Variants in TSNAX observed in about 807,000 individuals in gnomAD.
TSNAX encodes translin associated factor X, also known as translin-associated protein X.
Under a neutral mutation model 33.0 loss-of-function variants are expected in TSNAX, and 12 were observed. The ratio of observed to expected loss-of-function variants is 0.36; its 90% CI spans 0.23 to 0.59. TSNAX has a LOEUF of 0.59. Ranked by LOEUF, TSNAX falls within the 20% of genes least tolerant of loss-of-function variation. The probability of loss-of-function intolerance (pLI) is 0.74; values close to 1 mark genes in which losing one functional copy is unlikely to be tolerated. For synonymous variants in TSNAX, 110 were observed against 117.2 expected (o/e 0.94, Z 0.40); for missense variants, 267 against 341.3 (o/e 0.78, Z 1.72).
chr1:231,547,318 C>G (rs887716701), intron 4 of TSNAX, among the ~76,000 whole-genome samples: 1 of 151,622 alleles, frequency 6.6e-6, no homozygotes, highest in African/African-American at 2.4e-5. Context: ...GACTATTATC[C>G]ATCTCTGATA....
intron 4 of TSNAX, among the ~76,000 whole-genome samples, chr1:231,548,832 A>G (rs749233016): frequency 3.3e-5 from 5 of 152,246 alleles, no homozygotes; most frequent in African/African-American, 4.8e-5. Context: ...AGTTAATTTT[A>G]AAGACATGGA....
In TSNAX at chr1:231,562,030, C is replaced by G. The variant is rs866111529; in HGVS notation, c.495+775C>G. ...TTGCAGTTTGACTTTTAAACAAATACTATTTTTTTCCTTCTGGGTTTCAAG... is the reference window on the plus strand; with the variant it reads ...TTGCAGTTTGACTTTTAAACAAATAGTATTTTTTTCCTTCTGGGTTTCAAG... On this transcript the variant is annotated intron_variant, in intron 5 of 5. Transcript: ENST00000366639. 1.1e-4 allele frequency among the ~76,000 whole-genome samples: 16 copies of G among 151,980 alleles called. No individual in the cohort carries two copies. The Middle Eastern group carries it at 0.01, about 97-fold the overall frequency.
rs138421350 is a variant in TSNAX, at chr1:231,529,292, C to T, written c.54C>T (p.Phe18=). The stretch of plus-strand genomic sequence containing the variant: ...TCAGGAAAAGGAAGCATGACAATTT[C>T]CCACATAACCAAAGAAGAGAAGGGA... ...GGFRKRKHDN[F]PHNQRREGKD... is the part of the protein sequence containing the mutation. The change falls in exon 2 of 6, where the codon TTC becomes TTT. Residue 18 remains phenylalanine (F), a synonymous_variant. Transcript: ENST00000366639. The T allele has an allele frequency of 2.2e-3, 3,543 of 1,614,122 alleles. 7 individuals carry two copies. Among genetic ancestry groups the T allele is most frequent in the South Asian group, 3.8e-3 (345 of 91,076 alleles).
chr1:231,556,794 T>C (rs200521803), intron 4 of TSNAX, among the ~76,000 whole-genome samples: 1 of 152,232 alleles, frequency 6.6e-6, no homozygotes, highest in Non-Finnish European at 1.5e-5. Context: ...CATACAGATA[T>C]ATGTTTATGT....
chr1:231,535,305 GTCTT>G (rs1659090779), intron 2 of TSNAX: 1 of 152,158 alleles, frequency 6.6e-6, no homozygotes, highest in South Asian at 2.1e-4. Flanking sequence ...AAGGTAAACA[GTCTT>G]TCTTCAGTTA....
At chr1:231,550,485 T>G (rs1008861840) in intron 4 of TSNAX, among the ~76,000 whole-genome samples, 1 of 152,214 alleles carries the variant, frequency 6.6e-6, no homozygotes, top group African/African-American at 2.4e-5. Flanking sequence ...TCTCTCAGGC[T>G]GCGTTTATAA....
At chr1:231,532,453 A>C (rs1658828340) in intron 2 of TSNAX, among the ~76,000 whole-genome samples, 3 of 152,186 alleles carry the variant, frequency 2.0e-5, no homozygotes, top group Admixed American at 2.0e-4. Flanking sequence ...TTGGCCTCCC[A>C]AAGTGCTGGG....
At chr1:231,533,500 C>A (rs1454978842) in intron 2 of TSNAX, among the ~76,000 whole-genome samples, 1 of 152,180 alleles carries the variant, frequency 6.6e-6, no homozygotes, top group Admixed American at 6.5e-5. Flanking sequence ...TCCGAGCAAC[C>A]ACTTTGCTAT....
intron 5 of TSNAX, among the ~76,000 whole-genome samples, chr1:231,562,251 A>T (rs1276288546): frequency 6.7e-6 from 1 of 150,088 alleles, no homozygotes; most frequent in Non-Finnish European, 1.5e-5. Flanking sequence ...TTTTTCTTTT[A>T]AAAATTATTT....
At chr1:231,549,373 T>C (rs571549995) in intron 4 of TSNAX, among the ~76,000 whole-genome samples, 80 of 152,152 alleles carry the variant, frequency 5.3e-4, no homozygotes, top group African/African-American at 1.8e-3. Flanking sequence ...TGAGCCGAGA[T>C]TGCACCACTG....
At chr1:231,534,417 G>C (rs1287677545) in intron 2 of TSNAX, 3 of 152,218 alleles carry the variant, frequency 2.0e-5, no homozygotes, top group African/African-American at 4.8e-5. Context: ...TGTAGTTCCG[G>C]TACAGTAAGG....
chr1:231,546,723 T>C (rs1458342863), intron 4 of TSNAX, among the ~76,000 whole-genome samples: 7 of 152,218 alleles, frequency 4.6e-5, no homozygotes, highest in Non-Finnish European at 7.3e-5. Context: ...TATCTTTCTC[T>C]CTTGAAGACC....
rs1464388105 is a variant in TSNAX, at chr1:231,565,833, C to T, written c.*928C>T. On this transcript the variant is annotated 3_prime_UTR_variant, in exon 6 of 6. Coordinates refer to ENST00000366639, the MANE Select transcript of TSNAX (RefSeq NM_005999.3). ...TTAAAATTTATATAAAACAACCTTC[C>T]ATAAAAATTTGACAGGTGCCCAGAT... 6.6e-6 allele frequency: 1 copy of T among 151,890 alleles called. No homozygotes were observed. Among genetic ancestry groups the T allele is most frequent in the African/African-American group, 2.4e-5 (1 of 41,366 alleles). 9.4% of individuals were successfully genotyped at this position (151,890 alleles called of 1,614,324 possible).
chr1:231,540,283 T>C (rs1352054820), intron 3 of TSNAX, among the ~76,000 whole-genome samples: 2 of 152,166 alleles, frequency 1.3e-5, no homozygotes, highest in African/African-American at 4.8e-5. Context: ...AAAATTATTT[T>C]AATAGACATA....
At chr1:231,547,552 A>G (rs1335485459) in intron 4 of TSNAX, among the ~76,000 whole-genome samples, 1 of 150,744 alleles carries the variant, frequency 6.6e-6, no homozygotes, top group East Asian at 2.0e-4. Flanking sequence ...CACCATGCCC[A>G]GCTAATTTTT....
chr1:231,546,147 T>G (rs907724678), intron 4 of TSNAX, among the ~76,000 whole-genome samples: 1 of 152,218 alleles, frequency 6.6e-6, no homozygotes, highest in African/African-American at 2.4e-5. Context: ...GAATGTAGAC[T>G]CTATAGATCT....
At chr1:231,558,917 G>A (rs1301076138) in intron 4 of TSNAX, among the ~76,000 whole-genome samples, 4 of 152,096 alleles carry the variant, frequency 2.6e-5, no homozygotes, top group Non-Finnish European at 4.4e-5. Flanking sequence ...CTCAGAATGA[G>A]TCAGGATATT....
intron 2 of TSNAX, among the ~76,000 whole-genome samples, chr1:231,532,903 T>C (rs921882618): frequency 6.6e-6 from 1 of 152,200 alleles, no homozygotes; most frequent in African/African-American, 2.4e-5. Context: ...GACAGTACTT[T>C]TAGGTACAGA....
At chr1:231,552,070 C>T (rs143907426) in intron 4 of TSNAX, among the ~76,000 whole-genome samples, 293 of 152,156 alleles carry the variant, frequency 1.9e-3, no homozygotes, top group Middle Eastern at 0.01. Context: ...CCAAGGTGGG[C>T]GAATCACCTG....
Sources: allele counts gnomAD v4.1 joint callset (sites outside exome capture counted in the v4.1 genomes callset), GRCh38; gene constraint gnomAD v4.1.1; transcripts MANE v1.5; gene names NCBI Gene and HGNC (gene_info 2026-07-23, HGNC 2026-07-21).